Variants in KLRG2 observed in about 807,000 individuals in gnomAD.
KLRG2 encodes the protein killer cell lectin like receptor G2.
Under a neutral mutation model 35.4 loss-of-function variants are expected in KLRG2, and 39 were observed. The observed-to-expected ratio is 1.10, with a 90% CI of 0.85 to 1.44. KLRG2 has a LOEUF of 1.44. Among genes scored for constraint, KLRG2 ranks in the 40% most tolerant of loss-of-function variants. The probability of loss-of-function intolerance (pLI) is 0.00; values close to 1 mark genes in which losing one functional copy is unlikely to be tolerated. For missense variants in KLRG2, 632 were observed against 570.9 expected, an observed-to-expected ratio of 1.11 and a Z score of -1.09; for synonymous variants, 283 against 265.8, an observed-to-expected ratio of 1.06 and a Z score of -0.63.
At chr7:139,459,270 C>T (rs1796529274) in intron 3 of KLRG2, among the ~76,000 whole-genome samples, 1 of 152,222 alleles carries the variant, frequency 6.6e-6, no homozygotes, top group South Asian at 2.1e-4. Context: ...GCCCGTTTTA[C>T]TGGCTTCCTG....
intron 3 of KLRG2, among the ~76,000 whole-genome samples, chr7:139,468,784 T>A (rs1198822502): frequency 6.6e-6 from 1 of 152,230 alleles, no homozygotes; most frequent in African/African-American, 2.4e-5. Flanking sequence ...AGTTCATATG[T>A]GGGTGCCCTA....
intron 4 of KLRG2, 128 bp downstream of exon 4, chr7:139,453,983 C>A: frequency 1.4e-6 from 1 of 709,518 alleles, no homozygotes; most frequent in Admixed American, 2.7e-5. Flanking sequence ...GGCACCAGGC[C>A]GCGAGCATGG....
intron 1 of KLRG2, among the ~76,000 whole-genome samples, chr7:139,481,045 C>T (rs1796951627): frequency 6.6e-6 from 1 of 152,082 alleles, no homozygotes; most frequent in Non-Finnish European, 1.5e-5. Flanking sequence ...TGCCCAGCTT[C>T]AGGAGCCTTA....
At chr7:139,429,527 G>T in the KLRG2 span, among the ~76,000 whole-genome samples, 1 of 151,734 alleles carries the variant, frequency 6.6e-6, no homozygotes, top group South Asian at 2.1e-4. Flanking sequence ...GCGGCCTTCC[G>T]CAGTGTTTGT....
intron 3 of KLRG2, among the ~76,000 whole-genome samples, chr7:139,462,247 G>A (rs1355079088): frequency 3.9e-5 from 6 of 152,178 alleles, no homozygotes; most frequent in Admixed American, 2.6e-4. Flanking sequence ...CGTTTCAGAG[G>A]TGTCTGATCA....
At chr7:139,458,900 T>C (rs535537132) in intron 3 of KLRG2, among the ~76,000 whole-genome samples, 1 of 152,220 alleles carries the variant, frequency 6.6e-6, no homozygotes, top group African/African-American at 2.4e-5. Flanking sequence ...TCCTGGGGTT[T>C]GTGCGCGCTG....
At chr7:139,438,920 T>TGC in the KLRG2 span, among the ~76,000 whole-genome samples, 1 of 63,104 alleles carries the variant, frequency 1.6e-5, no homozygotes, top group Non-Finnish European at 3.4e-5. Context: ...GATGATCCCC[T>TGC]CCCCCCCCCC....
chr7:139,453,295 C>A lies in KLRG2; in HGVS notation c.*292G>T. On this transcript the variant is annotated 3_prime_UTR_variant, in exon 5 of 5. Transcript: ENST00000340940. ...GGGGGAAATTGTCATTTTAATGAAA[C>A]CAAGGCACAGAAATGCTAAACAACC... 1 of 484,584 alleles carries A rather than the reference C, an allele frequency of 2.1e-6. No individual in the cohort carries two copies. The allele number at this position is 484,584 out of a possible 1,614,324, so 30.0% of individuals were successfully genotyped here. A position where few individuals can be genotyped will look rare whatever the true frequency, so the allele number is the denominator to read the frequency against.
the KLRG2 span, among the ~76,000 whole-genome samples, chr7:139,435,207 C>T: frequency 1.6e-3 from 238 of 152,222 alleles, 4 homozygotes; most frequent in African/African-American, 5.3e-3. Flanking sequence ...TCACCAATTT[C>T]GGCTGGGCGC....
At chr7:139,475,884 G>A (rs920203929) in intron 3 of KLRG2, among the ~76,000 whole-genome samples, 1 of 151,850 alleles carries the variant, frequency 6.6e-6, no homozygotes, top group African/African-American at 2.4e-5. Flanking sequence ...AGCTATCTCC[G>A]GGAAAACAGC....
At chr7:139,448,483 A>G (rs1276277392), downstream of KLRG2, among the ~76,000 whole-genome samples, 2 of 152,212 alleles carry the variant, frequency 1.3e-5, no homozygotes, top group Admixed American at 6.5e-5. Flanking sequence ...CTGTAACACA[A>G]TGGTAAGTAT....
chr7:139,462,526 CCTT>C (rs542339468), intron 3 of KLRG2, among the ~76,000 whole-genome samples: 82 of 152,168 alleles, frequency 5.4e-4, no homozygotes, highest in Non-Finnish European at 1.1e-3. Context: ...CTCCATTCCT[CCTT>C]CTTCTCCTTT....
At chr7:139,445,007 C>G in the KLRG2 span, among the ~76,000 whole-genome samples, 1 of 152,048 alleles carries the variant, frequency 6.6e-6, no homozygotes, top group Non-Finnish European at 1.5e-5. Flanking sequence ...CAAAGAGATT[C>G]AGGATGGTTC....
chr7:139,431,434 CTGTTGGCAGTA>C, the KLRG2 span, among the ~76,000 whole-genome samples: 1 of 149,030 alleles, frequency 6.7e-6, no homozygotes, highest in Admixed American at 6.6e-5. Context: ...TTTTTTTTTC[CTGTTGGCAGTA>C]TGGACTCTTT....
At chr7:139,438,946 G>C in the KLRG2 span, among the ~76,000 whole-genome samples, 255 of 71,128 alleles carry the variant, frequency 3.6e-3, no homozygotes, top group African/African-American at 6.7e-3. Context: ...GCCCCGCCTC[G>C]GCCTCCCAAA....
Position 139,453,692 on chromosome 7 carries a change from G to C in KLRG2, c.1125C>G (p.Gly375=), listed in dbSNP as rs763794193. 4.3e-6 allele frequency: 7 copies of C among 1,614,088 alleles called. No homozygotes were observed. Among genetic ancestry groups the C allele is most frequent in the Non-Finnish European group, 5.9e-6 (7 of 1,180,000 alleles). ...PLPPQLLPED[G]EDNLDINCGA... ...CACAGTTGATATCCAGATTGTCCTC[G>C]CCGTCCTCAGGGAGTCTGGGAAAGG... The change falls in exon 5 of 5, where the codon GGC becomes GGG. Residue 375 remains glycine (G), a synonymous_variant. Transcript: ENST00000340940.
intron 3 of KLRG2, among the ~76,000 whole-genome samples, chr7:139,476,499 T>C (rs553542689): frequency 2.0e-5 from 3 of 151,976 alleles, no homozygotes; most frequent in Non-Finnish European, 4.4e-5. Flanking sequence ...TGGAGAGCAG[T>C]GGCGCGATCT....
chr7:139,432,261 C>T, the KLRG2 span, among the ~76,000 whole-genome samples: 1 of 151,784 alleles, frequency 6.6e-6, no homozygotes, highest in African/African-American at 2.4e-5. Context: ...GAGGCTGAGG[C>T]GGGAGGATCA....
At chr7:139,434,889 A>G in the KLRG2 span, among the ~76,000 whole-genome samples, 3 of 152,190 alleles carry the variant, frequency 2.0e-5, no homozygotes, top group African/African-American at 7.2e-5. Flanking sequence ...GTCAGACTAG[A>G]TAACCCCAGC....
Sources: gnomAD v4.1 joint callset for allele counts (sites outside exome capture counted in the v4.1 genomes callset) on GRCh38, gnomAD v4.1.1 for gene constraint, MANE v1.5 for transcripts, NCBI Gene and HGNC (gene_info 2026-07-23, HGNC 2026-07-21) for gene names.